MACF1: variants seen among roughly 807,000 people sequenced by gnomAD.
The protein encoded by MACF1 is microtubule-actin cross-linking factor 1.
In MACF1, 193 loss-of-function variants were observed where a neutral mutation model predicts 854.8. That is an observed-to-expected ratio of 0.23 (90% CI 0.20 to 0.25). The LOEUF (loss-of-function observed/expected upper bound fraction) is 0.25. Among genes scored for constraint, MACF1 ranks in the 10% least tolerant of loss-of-function variants. The pLI is 1.00. For missense variants in MACF1, 7,722 were observed against 8,929.1 expected, an observed-to-expected ratio of 0.86 and a Z score of 5.45; for synonymous variants, 3,185 against 3,226.7, an observed-to-expected ratio of 0.99 and a Z score of 0.44.
chr1:39,209,569 A>G (rs1387621129), intron 1 of MACF1, among the ~76,000 whole-genome samples: 2 of 152,210 alleles, frequency 1.3e-5, no homozygotes, highest in African/African-American at 4.8e-5. Context: ...AGGAACAGCC[A>G]TAATCCCTGG....
chr1:39,200,624 G>A (rs576179979), upstream of MACF1, among the ~76,000 whole-genome samples: 185 of 152,058 alleles, frequency 1.2e-3, 1 homozygote, highest in African/African-American at 4.3e-3. Flanking sequence ...ACTTGAACCC[G>A]GTAGGTGGAG....
Position 39,429,988 on chromosome 1 carries a change from G to A in MACF1, c.17050G>A (p.Glu5684Lys), listed in dbSNP as rs1643844872. The change falls in exon 65 of 101, where the codon GAG becomes AAG. Residue 5684 changes from glutamate to lysine, a missense_variant. By Grantham distance (56) the Glu-to-Lys change is moderately conservative. Coordinates refer to ENST00000564288, the MANE Select transcript of MACF1 (RefSeq NM_001394062.1). The part of the protein sequence containing the change: ...TYEELTGWLR[E>K]VEEELATSGG... ...TGAGGAACTGACCGGGTGGCTGAGG[G>A]AGGTGGAGGAGGAGCTGGCAACCAG... The A allele has an allele frequency of 6.2e-7, 1 of 1,613,916 alleles. No individual in the cohort carries two copies. Among genetic ancestry groups the A allele is most frequent in the South Asian group, 1.1e-5 (1 of 91,058 alleles).
intron 70 of MACF1, among the ~76,000 whole-genome samples, chr1:39,436,951 G>C (rs543742928): frequency 6.6e-6 from 1 of 152,196 alleles, no homozygotes; most frequent in South Asian, 2.1e-4. Context: ...CTCTCTTATT[G>C]TTCCATAAGG....
intron 58 of MACF1, chr1:39,412,589 A>T (rs1281641318): frequency 6.2e-7 from 1 of 1,613,914 alleles, no homozygotes; most frequent in East Asian, 2.2e-5. Context: ...CTTAATCCAG[A>T]TGGAGTGGAA....
At position 39,463,617 on chromosome 1, in the gene MACF1, A is replaced by C; in HGVS notation, c.21684A>C (p.Thr7228=). 6.2e-7 allele frequency: 1 copy of C among 1,613,522 alleles called. No homozygotes were observed. The highest frequency in any genetic ancestry group is 8.5e-7 in the Non-Finnish European group (1 of 1,179,510). Residue 7228 remains threonine (T), a synonymous_variant, in exon 94 of 101, where the codon ACA becomes ACC. Coordinates refer to ENST00000564288, the MANE Select transcript of MACF1 (RefSeq NM_001394062.1). Reference sequence around the variant, plus strand: ...TTTTTGTTCACACCCAATAGGTTACAAGACAAGTGGCTCAGTGCAAATGTG... The same window carrying C: ...TTTTTGTTCACACCCAATAGGTTACCAGACAAGTGGCTCAGTGCAAATGTG... The part of the protein sequence containing the change: ...TDADKIEDEV[T]RQVAQCKCAK...
chr1:39,477,712 A>AGTGGAAGAC (rs956525022), intron 97 of MACF1, among the ~76,000 whole-genome samples: 3 of 152,100 alleles, frequency 2.0e-5, no homozygotes, highest in African/African-American at 7.2e-5. Context: ...GGACAACTCA[A>AGTGGAAGAC]GTGGAAGACG....
At chr1:39,244,069 G>C (rs574289249) in intron 2 of MACF1, among the ~76,000 whole-genome samples, 2 of 151,820 alleles carry the variant, frequency 1.3e-5, no homozygotes, top group East Asian at 1.9e-4. Context: ...ACCTCTCTCT[G>C]TATCTCTTTG....
intron 80 of MACF1, 30 bp from the exon 81 acceptor site, chr1:39,447,402 C>T (rs1368027028): frequency 6.3e-7 from 1 of 1,598,540 alleles, no homozygotes; most frequent in Non-Finnish European, 8.5e-7. Flanking sequence ...CTTTTTCTTT[C>T]TGTGTGTGTG....
chr1:39,244,579 C>A (rs1490960562), intron 2 of MACF1, among the ~76,000 whole-genome samples: 1 of 148,342 alleles, frequency 6.7e-6, no homozygotes, highest in Non-Finnish European at 1.5e-5. Flanking sequence ...CTGCACCCAG[C>A]CATTTTTTTT....
chr1:39,180,565 G>A (rs1353532938), intron 2 of MACF1, among the ~76,000 whole-genome samples: 7 of 152,176 alleles, frequency 4.6e-5, no homozygotes, highest in African/African-American at 1.4e-4. Context: ...TCAGTGAGCC[G>A]AGATTGCGCC....
At chr1:39,094,836 G>T (rs1392553890) in intron 2 of MACF1, among the ~76,000 whole-genome samples, 2 of 152,146 alleles carry the variant, frequency 1.3e-5, no homozygotes, top group African/African-American at 4.8e-5. Flanking sequence ...AGGCTGCAGG[G>T]AGCTGAGATT....
chr1:39,249,659 A>G (rs570119805), intron 2 of MACF1, among the ~76,000 whole-genome samples: 297 of 152,266 alleles, frequency 2.0e-3, no homozygotes, highest in Non-Finnish European at 1.7e-3. Flanking sequence ...GGCTGGACTC[A>G]TCTACCCATC....
At chr1:39,296,866 A>G (rs1645929385) in intron 20 of MACF1, among the ~76,000 whole-genome samples, 1 of 151,846 alleles carries the variant, frequency 6.6e-6, no homozygotes, top group African/African-American at 2.4e-5. Context: ...GAGAGAAAGA[A>G]TGTACTTCTT....
At chr1:39,295,003 C>T in intron 18 of MACF1, 43 bp from the exon 19 acceptor site, 1 of 1,427,718 alleles carries the variant, frequency 7.0e-7, no homozygotes, top group Non-Finnish European at 9.9e-7. Flanking sequence ...CCGCTCCCCA[C>T]TGCCAAGAGT....
intron 49 of MACF1, among the ~76,000 whole-genome samples, chr1:39,367,244 G>A (rs1648800479): frequency 6.6e-6 from 1 of 152,050 alleles, no homozygotes; most frequent in South Asian, 2.1e-4. Flanking sequence ...ACCGTGCCTG[G>A]CCATACAAAT....
chr1:39,370,649 C>G (rs1417787844), intron 51 of MACF1, among the ~76,000 whole-genome samples: 1 of 152,196 alleles, frequency 6.6e-6, no homozygotes, highest in Non-Finnish European at 1.5e-5. Context: ...ATGCCTCTGA[C>G]TAACTGTCAT....
At chr1:39,208,533 A>G (rs1335090720) in intron 1 of MACF1, among the ~76,000 whole-genome samples, 1 of 152,094 alleles carries the variant, frequency 6.6e-6, no homozygotes, top group Non-Finnish European at 1.5e-5. Flanking sequence ...GGTTCACTGC[A>G]AATTCTGCCA....
intron 2 of MACF1, among the ~76,000 whole-genome samples, chr1:39,140,511 A>G (rs1643314444): frequency 6.6e-6 from 1 of 152,244 alleles, no homozygotes; most frequent in Non-Finnish European, 1.5e-5. Context: ...ATGTTGATGA[A>G]TGCATGTGTC....
rs1482053014 is a variant in MACF1, at chr1:39,317,320, A to G, written c.3695A>G (p.Glu1232Gly). ...VAEQMSRLTP[E>G]RNLDLERYQE... ...GAGCAGATGAGTCGTCTGACACCAG[A>G]GCGAAATCTGGATTTGGAGCGCTAT... Residue 1232 changes from glutamate to glycine, a missense_variant, in exon 29 of 101, where the codon GAG becomes GGG. Transcript: ENST00000564288. 2 of 1,614,048 alleles carry G rather than the reference A, an allele frequency of 1.2e-6. No individual in the cohort carries two copies. The highest frequency in any genetic ancestry group is 1.7e-6 in the Non-Finnish European group (2 of 1,180,010).
Sources: allele counts gnomAD v4.1 joint callset (sites outside exome capture counted in the v4.1 genomes callset), GRCh38; gene constraint gnomAD v4.1.1; transcripts MANE v1.5; gene names NCBI Gene and HGNC (gene_info 2026-07-23, HGNC 2026-07-21).